Variants in PDZD7 observed in about 807,000 individuals in gnomAD.
PDZD7 encodes PDZ domain containing 7.
A neutral mutation model predicts 84.7 loss-of-function variants in PDZD7; 72 were observed. The ratio of observed to expected loss-of-function variants is 0.85; its 90% CI spans 0.70 to 1.03. PDZD7 has a LOEUF of 1.03. PDZD7 is among the 50% of genes least tolerant of loss of function. PDZD7 has a pLI of 0.00. For missense variants in PDZD7, 1,490 were observed against 1,412.9 expected (o/e 1.05, Z -0.87); for synonymous variants, 594 against 580.7 (o/e 1.02, Z -0.33).
chr10:101,030,541 A>T, intron 1 of PDZD7, 157 bp from the exon 2 acceptor site: 1 of 522,450 alleles, frequency 1.9e-6, no homozygotes, highest in East Asian at 3.5e-5. Flanking sequence ...CCGTCCAGGC[A>T]CCATCTTGGA....
At chr10:101,016,568 G>A in intron 9 of PDZD7, 141 bp from the exon 10 acceptor site, 1 of 817,450 alleles carries the variant, frequency 1.2e-6, no homozygotes, top group Non-Finnish European at 1.9e-6. Flanking sequence ...GGCCCTGAGG[G>A]GCTTGAAGGC....
intron 5 of PDZD7, 125 bp downstream of exon 5, chr10:101,022,084 G>A (rs943871246): frequency 2.1e-5 from 32 of 1,540,546 alleles, no homozygotes; most frequent in African/African-American, 1.4e-4. Context: ...CCCCCTCCCA[G>A]GCCCTCACTG....
intron 15 of PDZD7, 59 bp from the exon 16 acceptor site, chr10:101,009,409 C>T: frequency 7.4e-7 from 1 of 1,351,444 alleles, no homozygotes; most frequent in Non-Finnish European, 1.0e-6. Context: ...TGCAAGCTCC[C>T]TGGAGAAACC....
intron 3 of PDZD7, 28 bp from the exon 4 acceptor site, chr10:101,023,638 A>C (rs751588714): frequency 1.2e-6 from 2 of 1,607,548 alleles, no homozygotes; most frequent in African/African-American, 2.7e-5. Flanking sequence ...AGTGGCTGGC[A>C]TGGGTCCCCA....
At chr10:101,028,939 ACCCTGCT>A (rs1937883862) in intron 2 of PDZD7, among the ~76,000 whole-genome samples, 2 of 152,066 alleles carry the variant, frequency 1.3e-5, no homozygotes, top group South Asian at 4.1e-4. Flanking sequence ...AACATGCCCC[ACCCTGCT>A]CCAGTGGCCT....
Position 101,016,429 on chromosome 10 carries a change from T to C in PDZD7, c.1523-2A>G. ...TCTGTACCGGGCCCACGCCCCCTGC[T>C]ATGAAGAAGAAAGAGGCTCAGCTGC... On this transcript the variant is annotated splice_acceptor_variant, in intron 9 of 16. Transcript: ENST00000619208. LOFTEE classifies it high-confidence loss of function. The C allele has an allele frequency of 6.4e-7, 1 of 1,550,588 alleles. No individual in the cohort carries two copies. Among genetic ancestry groups the C allele is most frequent in the Non-Finnish European group, 8.7e-7 (1 of 1,146,998 alleles).
rs369326705 is a variant in PDZD7, at chr10:101,023,880, T to C, written c.367+48A>G. The C allele has an allele frequency of 3.7e-6, 6 of 1,613,718 alleles. No individual in the cohort carries two copies. In the African/African-American group the frequency reaches 5.3e-5, roughly 14 times the overall value. On this transcript the variant is annotated intron_variant, in intron 3 of 16. Transcript: ENST00000619208. ...CAGCATCCCCTGCCATTCACTGAGA[T>C]TGGAGTCACATCCTAAGCGTGGACT...
intron 2 of PDZD7, among the ~76,000 whole-genome samples, chr10:101,025,945 C>T (rs1024206183): frequency 6.6e-6 from 1 of 152,142 alleles, no homozygotes; most frequent in African/African-American, 2.4e-5. Flanking sequence ...TATGGAATCC[C>T]TGAGGGTCCT....
At position 101,010,521 on chromosome 10, in the gene PDZD7, T is replaced by A. The variant is rs111287837; in HGVS notation, c.2368A>T (p.Lys790Ter). 6.5e-7 allele frequency: 1 copy of A among 1,530,374 alleles called. No individual in the cohort carries two copies. Among genetic ancestry groups the A allele is most frequent in the African/African-American group, 1.4e-5 (1 of 72,824 alleles). The allele number at this position is 1,530,374 out of a possible 1,614,324, so 94.8% of individuals were successfully genotyped here. The change falls in exon 15 of 17, where the codon AAG becomes TAG. Residue 790 changes from lysine to a stop codon, truncating the protein, a stop_gained. Coordinates refer to ENST00000619208, the MANE Select transcript of PDZD7 (RefSeq NM_001195263.2). LOFTEE classifies it high-confidence loss of function. The stretch of plus-strand genomic sequence containing the variant: ...GATGGGGAGCGTCTACCTGGAGACT[T>A]GCCTTGACCCCGGCTGCTGCGGCTG... ...SRSRSSRGQG[K>*]SPGRRSPSPV...
chr10:101,019,496 G>T (rs973003267), intron 7 of PDZD7, among the ~76,000 whole-genome samples: 4 of 149,816 alleles, frequency 2.7e-5, no homozygotes, highest in African/African-American at 9.7e-5. Flanking sequence ...TGTGTGAAGG[G>T]TCTTGGTTCC....
chr10:101,011,676 G>C lies in PDZD7; in HGVS notation c.2005+14C>G. 1.3e-6 allele frequency: 2 copies of C among 1,537,182 alleles called. No individual in the cohort carries two copies. Among genetic ancestry groups the C allele is most frequent in the Non-Finnish European group, 1.7e-6 (2 of 1,146,742 alleles). The stretch of plus-strand genomic sequence containing the variant: ...GGGCTGTGCCCCTCCCTGGGCTCTG[G>C]GACTCTGACTGACCAGGCACGGGGG... On this transcript the variant is annotated intron_variant, in intron 14 of 16. Transcript: ENST00000619208.
At position 101,018,896 on chromosome 10, in the gene PDZD7, T is replaced by C. The variant is rs770558932; in HGVS notation, c.1250A>G (p.Lys417Arg). The change falls in exon 8 of 17, where the codon AAG (lysine) becomes AGG (arginine). Residue 417 changes from lysine to arginine, a missense_variant. Coordinates refer to ENST00000619208, the MANE Select transcript of PDZD7 (RefSeq NM_001195263.2). The stretch of plus-strand genomic sequence containing the variant: ...GCTGAGGGCCAGCAGCAAAGCCGTC[T>C]TGGGAGACTCAGAGAGCGCAGAGTC... Reference protein sequence around the residue: ...RLDSALSESPKTALLLALSRP... With the variant: ...RLDSALSESPRTALLLALSRP... 1 of 1,605,332 alleles carries C rather than the reference T, an allele frequency of 6.2e-7. No individual in the cohort carries two copies. Among genetic ancestry groups the C allele is most frequent in the Non-Finnish European group, 8.5e-7 (1 of 1,176,528 alleles).
Position 101,017,486 on chromosome 10 carries a change from A to G in PDZD7, c.1522+613T>C, listed in dbSNP as rs1392036286. On this transcript the variant is annotated intron_variant, in intron 9 of 16. Coordinates refer to ENST00000619208, the MANE Select transcript of PDZD7 (RefSeq NM_001195263.2). ...AAGTGATCTTGCTGCTTCAGCTTCC[A>G]GAGTAGTTGGGATTGGCCAGGTGTG... 11 of 596,756 alleles carry G rather than the reference A, an allele frequency of 1.8e-5. No individual in the cohort carries two copies. The Middle Eastern group carries it at 1.1e-3, about 59-fold the overall frequency. The allele number at this position is 596,756 out of a possible 1,614,324, so 37.0% of individuals were successfully genotyped here. A position where few individuals can be genotyped will look rare whatever the true frequency, so the allele number is the denominator to read the frequency against.
Position 101,008,753 on chromosome 10 carries a change from G to A in PDZD7, c.2816C>T (p.Ala939Val). 6.5e-7 allele frequency: 1 copy of A among 1,535,834 alleles called. No individual in the cohort carries two copies. The highest frequency in any genetic ancestry group is 8.7e-7 in the Non-Finnish European group (1 of 1,146,700). ...GACCACAAGCTCCATGGGCTCCCGG[G>A]CCTTGTTTCGATAAGCCCGACGGAT... is the stretch of plus-strand genomic sequence containing the variant. ...DTIRRAYRNK[A>V]REPMELVVRV... The change falls in exon 17 of 17, where the codon GCC (alanine) becomes GTC (valine). Residue 939 changes from alanine (A) to valine (V), a missense_variant. Coordinates refer to ENST00000619208, the MANE Select transcript of PDZD7 (RefSeq NM_001195263.2).
At position 101,010,767 on chromosome 10, in the gene PDZD7, G is replaced by A. The variant is rs1380221952; in HGVS notation, c.2122C>T (p.Arg708Cys). 6 of 1,535,442 alleles carry A rather than the reference G, an allele frequency of 3.9e-6. No individual in the cohort carries two copies. The South Asian group carries it at 4.8e-5, about 12-fold the overall frequency. ...LKVSPSASAPRHPHKGIPPLQ... is the reference protein window; with the variant it reads ...LKVSPSASAPCHPHKGIPPLQ... Reference sequence around the variant, plus strand: ...GGGGGGATCCCTTTATGGGGGTGGCGAGGGGCAGAGGCACTTGGGGAGACC... The same window carrying A: ...GGGGGGATCCCTTTATGGGGGTGGCAAGGGGCAGAGGCACTTGGGGAGACC... Residue 708 changes from arginine to cysteine, a missense_variant, in exon 15 of 17, where the codon CGC becomes TGC. Arg to Cys is a radical substitution (Grantham distance 180, BLOSUM62 -3). Coordinates refer to ENST00000619208, the MANE Select transcript of PDZD7 (RefSeq NM_001195263.2).
intron 2 of PDZD7, among the ~76,000 whole-genome samples, 181 bp from the exon 3 acceptor site, chr10:101,024,249 G>A (rs1937587965): frequency 6.6e-6 from 1 of 152,136 alleles, no homozygotes; most frequent in Non-Finnish European, 1.5e-5. Context: ...TGATTTTTAT[G>A]TTATTTTTTA....
Position 101,007,697 on chromosome 10 carries a change from T to TTTA in PDZD7, c.*767_*769dup. 9.7e-7 allele frequency: 1 copy of TTTA among 1,029,412 alleles called. No individual in the cohort carries two copies. The highest frequency in any genetic ancestry group is 1.2e-6 in the Non-Finnish European group (1 of 847,122). The allele number at this position is 1,029,412 out of a possible 1,614,324, so 63.8% of individuals were successfully genotyped here. On this transcript the variant is annotated 3_prime_UTR_variant, in exon 17 of 17. Coordinates refer to ENST00000619208, the MANE Select transcript of PDZD7 (RefSeq NM_001195263.2). ...AAAGGAAGAACTCAGAAATGTCTTG[T>TTTA]TTATTTGTGTTTGTGACCAAGCAGC...
Position 101,010,684 on chromosome 10 carries a change from AG to A in PDZD7, c.2204del (p.Pro735LeufsTer18). The A allele has an allele frequency of 8.2e-7, 1 of 1,217,554 alleles. No individual in the cohort carries two copies. The highest frequency in any genetic ancestry group is 1.3e-5 in the South Asian group (1 of 75,468). 75.4% of individuals were successfully genotyped at this position (1,217,554 alleles called of 1,614,324 possible). A position where few individuals can be genotyped will look rare whatever the true frequency, so the allele number is the denominator to read the frequency against. Reference protein sequence around the residue: ...FTPLRIACTPPPQLPPVAPRP... With the variant: ...FTPLRIACTPXPQLPPVAPRP... ...GGGGAGCCACGGGGGGTAGCTGGGG[AG>A]GGGGTGTGCAGGCAATTCGGAGGGG... On this transcript the variant is annotated frameshift_variant, in exon 15 of 17. Coordinates refer to ENST00000619208, the MANE Select transcript of PDZD7 (RefSeq NM_001195263.2). LOFTEE classifies it high-confidence loss of function.
At chr10:101,023,810 A>G (rs139295430) in intron 3 of PDZD7, 118 bp downstream of exon 3, 91 of 1,553,056 alleles carry the variant, frequency 5.9e-5, no homozygotes, top group Middle Eastern at 5.1e-4. Context: ...CTCCCCATCA[A>G]TCAGGCCCTC....
Sources: allele counts gnomAD v4.1 joint callset (sites outside exome capture counted in the v4.1 genomes callset), GRCh38; gene constraint gnomAD v4.1.1; transcripts MANE v1.5; gene names NCBI Gene and HGNC (gene_info 2026-07-23, HGNC 2026-07-21).